The following NOL4 variants were observed in gnomAD, a reference collection of about 807,000 sequenced individuals.
NOL4 encodes cancer/testis antigen 125.
In NOL4, 17 loss-of-function variants were observed where a neutral mutation model predicts 75.9. That is an observed-to-expected ratio of 0.22 (90% CI 0.15 to 0.34). The LOEUF (loss-of-function observed/expected upper bound fraction) is 0.34, where lower values mean the gene tolerates loss of function less well. NOL4 is among the 10% of genes least tolerant of loss of function. The probability of loss-of-function intolerance (pLI) is 1.00; values close to 1 mark genes in which losing one functional copy is unlikely to be tolerated. For missense variants in NOL4, 614 were observed against 793.5 expected (o/e 0.77, Z 2.72); for synonymous variants, 292 against 289.9 (o/e 1.01, Z -0.07).
At chr18:34,191,667 T>G (rs1371615400) in intron 1 of NOL4, among the ~76,000 whole-genome samples, 2 of 152,172 alleles carry the variant, frequency 1.3e-5, no homozygotes, top group African/African-American at 4.8e-5. Context: ...GAAATAACTT[T>G]CCTGAAAGCC....
chr18:34,092,434 G>C (rs2078569067), intron 5 of NOL4, among the ~76,000 whole-genome samples: 1 of 152,092 alleles, frequency 6.6e-6, no homozygotes, highest in Admixed American at 6.6e-5. Flanking sequence ...TTAATCTGAA[G>C]TGAGAAAAAG....
intron 6 of NOL4, among the ~76,000 whole-genome samples, chr18:33,987,884 G>T (rs1320513910): frequency 6.6e-6 from 1 of 152,054 alleles, no homozygotes; most frequent in Non-Finnish European, 1.5e-5. Context: ...GCATACTGAA[G>T]CCAGATGATT....
intron 5 of NOL4, among the ~76,000 whole-genome samples, chr18:34,044,636 AATAAT>A (rs2076282372): frequency 6.6e-6 from 1 of 152,212 alleles, no homozygotes; most frequent in Admixed American, 6.5e-5. Context: ...AATTTTATGC[AATAAT>A]ATAACTTAAA....
chr18:34,082,373 A>G (rs2078049810), intron 5 of NOL4, among the ~76,000 whole-genome samples: 1 of 152,134 alleles, frequency 6.6e-6, no homozygotes, highest in African/African-American at 2.4e-5. Flanking sequence ...GAAAAAGAAA[A>G]AAAAAAAGTG....
chr18:33,982,608 A>G (rs1168072048), intron 6 of NOL4, among the ~76,000 whole-genome samples: 1 of 152,160 alleles, frequency 6.6e-6, no homozygotes, highest in Non-Finnish European at 1.5e-5. Flanking sequence ...GTCTGTTATT[A>G]TAGTTTGAGA....
chr18:34,065,783 A>C (rs778388951), intron 5 of NOL4, among the ~76,000 whole-genome samples: 21 of 151,974 alleles, frequency 1.4e-4, no homozygotes, highest in Middle Eastern at 3.2e-3. Flanking sequence ...GTCTCATTAC[A>C]GGTACATAAA....
At chr18:34,000,491 C>G (rs941259892) in intron 6 of NOL4, among the ~76,000 whole-genome samples, 1 of 151,902 alleles carries the variant, frequency 6.6e-6, no homozygotes, top group Admixed American at 6.6e-5. Context: ...GTTTTTATAC[C>G]AGTCTTTTCC....
At chr18:33,892,133 C>T (rs2065129931) in intron 9 of NOL4, among the ~76,000 whole-genome samples, 1 of 152,012 alleles carries the variant, frequency 6.6e-6, no homozygotes, top group African/African-American at 2.4e-5. Context: ...CAAATTTTAA[C>T]AATCATTAGT....
At chr18:34,159,424 C>T (rs2031072901) in intron 1 of NOL4, among the ~76,000 whole-genome samples, 1 of 152,282 alleles carries the variant, frequency 6.6e-6, no homozygotes. Flanking sequence ...GAGCTTGGGT[C>T]TCTCGGAGGA....
chr18:33,868,016 G>A (rs1307490710), intron 10 of NOL4, among the ~76,000 whole-genome samples: 1 of 151,572 alleles, frequency 6.6e-6, no homozygotes, highest in African/African-American at 2.4e-5. Context: ...AGGGCAATAT[G>A]CTTTACTCGG....
chr18:34,127,583 C>T (rs948730185), intron 2 of NOL4, among the ~76,000 whole-genome samples: 2 of 151,776 alleles, frequency 1.3e-5, no homozygotes, highest in African/African-American at 2.4e-5. Flanking sequence ...AAAGTCTGGC[C>T]CAACAGTCTA....
intron 1 of NOL4, among the ~76,000 whole-genome samples, chr18:34,161,084 C>T (rs1266309954): frequency 2.0e-5 from 3 of 152,038 alleles, no homozygotes; most frequent in African/African-American, 4.8e-5. Context: ...TCTTTTTGTG[C>T]GTGGCTTATT....
At chr18:34,207,417 A>G (rs969788279) in intron 1 of NOL4, among the ~76,000 whole-genome samples, 4 of 152,180 alleles carry the variant, frequency 2.6e-5, no homozygotes, top group African/African-American at 4.8e-5. Flanking sequence ...AATGATTCCA[A>G]TGTCAGTTCA....
intron 9 of NOL4, among the ~76,000 whole-genome samples, chr18:33,917,270 G>C (rs2066777154): frequency 6.6e-6 from 1 of 151,944 alleles, no homozygotes; most frequent in South Asian, 2.1e-4. Flanking sequence ...TCAGCAGCTT[G>C]TCCAGAGTTT....
chr18:34,036,907 G>A (rs1248737269), intron 5 of NOL4, among the ~76,000 whole-genome samples: 2 of 152,090 alleles, frequency 1.3e-5, no homozygotes, highest in Non-Finnish European at 2.9e-5. Flanking sequence ...ACTCCTGCCT[G>A]GGCAATAGAG....
chr18:33,886,422 G>A (rs1281451565), intron 9 of NOL4, among the ~76,000 whole-genome samples: 4 of 151,638 alleles, frequency 2.6e-5, no homozygotes, highest in Non-Finnish European at 5.9e-5. Flanking sequence ...CAGCTACTCA[G>A]GAGGCTGAGG....
chr18:34,212,305 A>G (rs2036566902), intron 1 of NOL4, among the ~76,000 whole-genome samples: 4 of 152,230 alleles, frequency 2.6e-5, no homozygotes, highest in African/African-American at 9.6e-5. Flanking sequence ...TAAATTATAG[A>G]CCATCTCATC....
intron 10 of NOL4, among the ~76,000 whole-genome samples, chr18:33,861,549 C>T (rs1043849953): frequency 6.6e-6 from 1 of 151,924 alleles, no homozygotes; most frequent in African/African-American, 2.4e-5. Context: ...GTCTTGCTAG[C>T]AGTGTATCAA....
At chr18:34,043,634 C>G (rs2076235650) in intron 5 of NOL4, among the ~76,000 whole-genome samples, 1 of 152,028 alleles carries the variant, frequency 6.6e-6, no homozygotes. Flanking sequence ...TTCTTAGCAT[C>G]AGTTTCCTCA....
Sources: gnomAD v4.1 joint callset for allele counts (sites outside exome capture counted in the v4.1 genomes callset) on GRCh38, gnomAD v4.1.1 for gene constraint, MANE v1.5 for transcripts, NCBI Gene and HGNC (gene_info 2026-07-23, HGNC 2026-07-21) for gene names.